CAMK1D: variants seen among roughly 807,000 people sequenced by gnomAD.
The protein encoded by CAMK1D is calcium/calmodulin dependent protein kinase ID, also known as calcium/calmodulin-dependent protein kinase type 1D.
Under a neutral mutation model 47.7 loss-of-function variants are expected in CAMK1D, and 9 were observed. The ratio of observed to expected loss-of-function variants is 0.19; its 90% confidence interval spans 0.11 to 0.33. The LOEUF is 0.33. CAMK1D is among the 10% of genes least tolerant of loss of function. The pLI is 1.00. For synonymous variants in CAMK1D, 184 were observed against 184.9 expected (o/e 0.99, Z 0.04); for missense variants, 291 against 488.7 (o/e 0.60, Z 3.81).
At chr10:12,789,386 A>G (rs2130992739) in intron 5 of CAMK1D, among the ~76,000 whole-genome samples, 1 of 152,316 alleles carries the variant, frequency 6.6e-6, no homozygotes, top group South Asian at 2.1e-4. Flanking sequence ...TTTGAGTGAA[A>G]AGAGCTGCAA....
chr10:12,650,042 A>C (rs1839916076), intron 2 of CAMK1D, among the ~76,000 whole-genome samples: 1 of 152,296 alleles, frequency 6.6e-6, no homozygotes, highest in Middle Eastern at 3.4e-3. Flanking sequence ...TACACTTGGC[A>C]TATTACTTTT....
chr10:12,684,280 C>T (rs925199565), intron 3 of CAMK1D, among the ~76,000 whole-genome samples: 2 of 152,090 alleles, frequency 1.3e-5, no homozygotes, highest in East Asian at 1.9e-4. Context: ...TTGATGTTTT[C>T]GGTGGATGGA....
rs1182485663 is a variant in CAMK1D at position 12,829,949 on chromosome 10, C to G, written c.*1062C>G. Reference sequence around the variant, plus strand: ...AGCAGAACCCACACCCACCAGAGACCCTAGAGGCCTCTTGCCATCAGCAAC... The same window carrying G: ...AGCAGAACCCACACCCACCAGAGACGCTAGAGGCCTCTTGCCATCAGCAAC... On this transcript the variant is annotated 3_prime_UTR_variant, in exon 11 of 11. Coordinates refer to ENST00000619168, the MANE Select transcript of CAMK1D (RefSeq NM_153498.4). 1 of 152,196 alleles carries G rather than the reference C, an allele frequency of 6.6e-6. No individual in the cohort carries two copies. The highest frequency in any genetic ancestry group is 1.5e-5 in the Non-Finnish European group (1 of 68,126). 9.4% of individuals were successfully genotyped at this position (152,196 alleles called of 1,614,324 possible). A position where few individuals can be genotyped will look rare whatever the true frequency, so the allele number is the denominator to read the frequency against.
At chr10:12,654,024 GAAAC>G (rs1206772324) in intron 2 of CAMK1D, among the ~76,000 whole-genome samples, 1 of 152,152 alleles carries the variant, frequency 6.6e-6, no homozygotes, top group Admixed American at 6.5e-5. Flanking sequence ...AAAGAAAAAA[GAAAC>G]AATACCTTTC....
chr10:12,620,672 C>G (rs1838972342), intron 2 of CAMK1D, among the ~76,000 whole-genome samples: 1 of 152,158 alleles, frequency 6.6e-6, no homozygotes, highest in African/African-American at 2.4e-5. Context: ...GAATATTCGT[C>G]CCCTGTGGGG....
chr10:12,419,537 G>A (rs185490290), intron 1 of CAMK1D, among the ~76,000 whole-genome samples: 23 of 152,028 alleles, frequency 1.5e-4, no homozygotes, highest in African/African-American at 5.5e-4. Flanking sequence ...TCACCGCTGT[G>A]GTTTTCTTAG....
At chr10:12,522,943 G>A (rs1162217840) in intron 1 of CAMK1D, among the ~76,000 whole-genome samples, 2 of 102,378 alleles carry the variant, frequency 2.0e-5, no homozygotes, top group African/African-American at 3.7e-5. Context: ...CCTCCCAGAC[G>A]GGGCGGCTGG....
At chr10:12,805,531 C>T (rs1193467982) in intron 6 of CAMK1D, among the ~76,000 whole-genome samples, 4 of 151,748 alleles carry the variant, frequency 2.6e-5, no homozygotes, top group African/African-American at 4.8e-5. Context: ...CCACCATGCT[C>T]GGCTAATTTT....
chr10:12,772,135 T>C (rs1356311305), intron 5 of CAMK1D, among the ~76,000 whole-genome samples: 3 of 152,012 alleles, frequency 2.0e-5, no homozygotes, highest in African/African-American at 7.2e-5. Context: ...AGGAATAGCA[T>C]GGTCCCTGCC....
intron 3 of CAMK1D, among the ~76,000 whole-genome samples, chr10:12,695,026 A>AGATG (rs1833212469): frequency 4.9e-5 from 3 of 61,208 alleles, no homozygotes; most frequent in African/African-American, 1.4e-4. Flanking sequence ...ATCTCTCGAT[A>AGATG]GATAGATAGA....
intron 2 of CAMK1D, among the ~76,000 whole-genome samples, chr10:12,583,184 G>C (rs1837713485): frequency 1.3e-5 from 2 of 152,156 alleles, no homozygotes; most frequent in African/African-American, 4.8e-5. Flanking sequence ...GTCTTGTTTG[G>C]AGAACTTGGA....
chr10:12,524,575 C>T (rs905871978), intron 1 of CAMK1D, among the ~76,000 whole-genome samples: 7 of 151,922 alleles, frequency 4.6e-5, no homozygotes, highest in African/African-American at 9.7e-5. Flanking sequence ...AGTGTGATGG[C>T]GGGTACCTGT....
chr10:12,473,795 T>C (rs1316342615), intron 1 of CAMK1D, among the ~76,000 whole-genome samples: 1 of 152,100 alleles, frequency 6.6e-6, no homozygotes, highest in Non-Finnish European at 1.5e-5. Flanking sequence ...GGGAAAAGGA[T>C]CTCAAATTTG....
chr10:12,666,670 G>C (rs1050972632), intron 2 of CAMK1D, 66 bp from the exon 3 acceptor site: 2 of 1,277,812 alleles, frequency 1.6e-6, no homozygotes, highest in Admixed American at 3.6e-5. Flanking sequence ...CTACAATGCT[G>C]TCTGTTTTGA....
At chr10:12,705,464 A>AAAAAG (rs565129225) in intron 3 of CAMK1D, among the ~76,000 whole-genome samples, 20 of 151,882 alleles carry the variant, frequency 1.3e-4, no homozygotes, top group Admixed American at 6.5e-5. Flanking sequence ...CCAGCTCAAA[A>AAAAAG]AAAAGAAAAG....
At chr10:12,682,209 G>A (rs1453610437) in intron 3 of CAMK1D, among the ~76,000 whole-genome samples, 1 of 147,910 alleles carries the variant, frequency 6.8e-6, no homozygotes, top group African/African-American at 2.5e-5. Context: ...GACAGAGTGA[G>A]ACTCCATCTC....
Position 12,666,736 on chromosome 10 carries a change from G to A in CAMK1D, c.225G>A (p.Lys75=), listed in dbSNP as rs1272101877. 1 of 1,609,886 alleles carries A rather than the reference G, an allele frequency of 6.2e-7. No homozygotes were observed. Among genetic ancestry groups the A allele is most frequent in the Non-Finnish European group, 8.5e-7 (1 of 1,177,946 alleles). Residue 75 remains lysine (K), a splice_region_variant and synonymous_variant, in exon 3 of 11, where the codon AAG becomes AAA. Coordinates refer to ENST00000619168, the MANE Select transcript of CAMK1D (RefSeq NM_153498.4). The part of the protein sequence containing the change: ...SIENEIAVLR[K]IKHENIVALE... ...TTTGTGCGTCTATTTTTTTTTTCAG[G>A]ATTAAGCATGAAAATATTGTTGCCC...
chr10:12,486,966 C>A (rs1834237418), intron 1 of CAMK1D, among the ~76,000 whole-genome samples: 1 of 152,026 alleles, frequency 6.6e-6, no homozygotes, highest in Non-Finnish European at 1.5e-5. Context: ...AAAATTCACA[C>A]ATAAAACAAA....
intron 1 of CAMK1D, among the ~76,000 whole-genome samples, chr10:12,449,623 C>T (rs961101471): frequency 7.3e-5 from 11 of 150,188 alleles, no homozygotes; most frequent in East Asian, 4.0e-4. Flanking sequence ...CATCATGTTA[C>T]GATGTATACA....
Sources: allele counts gnomAD v4.1 joint callset (sites outside exome capture counted in the v4.1 genomes callset), GRCh38; gene constraint gnomAD v4.1.1; transcripts MANE v1.5; gene names NCBI Gene and HGNC (gene_info 2026-07-23, HGNC 2026-07-21).